GLI3: variants seen among roughly 807,000 people sequenced by gnomAD.
The protein encoded by GLI3 is transcription activator GLI3.
Under a neutral mutation model 100.8 loss-of-function variants are expected in GLI3, and 20 were observed. That is an observed-to-expected ratio of 0.20 (90% confidence interval 0.14 to 0.29). GLI3 has a LOEUF of 0.29. Among genes scored for constraint, GLI3 ranks in the 10% least tolerant of loss-of-function variants. GLI3 has a pLI of 1.00. For synonymous variants in GLI3, 938 were observed against 860.5 expected, an observed-to-expected ratio of 1.09 and a Z score of -1.58; for missense variants, 2,040 against 2,128.5, an observed-to-expected ratio of 0.96 and a Z score of 0.82.
chr7:42,158,589 A>C (rs950845867), intron 2 of GLI3, among the ~76,000 whole-genome samples: 2 of 151,840 alleles, frequency 1.3e-5, no homozygotes, highest in Non-Finnish European at 2.9e-5. Context: ...TCCCAGGTTC[A>C]AGCCATTCTC....
intron 3 of GLI3, among the ~76,000 whole-genome samples, chr7:42,139,931 G>A (rs1291913152): frequency 2.6e-5 from 4 of 152,176 alleles, no homozygotes; most frequent in African/African-American, 9.7e-5. Context: ...AATCACCCCA[G>A]ACTCTTGCAG....
chr7:42,137,529 G>A (rs1466247189), intron 3 of GLI3, among the ~76,000 whole-genome samples: 1 of 151,966 alleles, frequency 6.6e-6, no homozygotes, highest in Non-Finnish European at 1.5e-5. Context: ...TTTTTATTCA[G>A]TTATTCTGGC....
intron 7 of GLI3, among the ~76,000 whole-genome samples, chr7:42,028,576 C>T (rs964999572): frequency 3.9e-5 from 6 of 152,016 alleles, no homozygotes; most frequent in African/African-American, 9.7e-5. Context: ...CAAGCCTGAC[C>T]AACATGGCGA....
chr7:42,048,445 G>A, intron 5 of GLI3, 46 bp downstream of exon 5: 1 of 1,234,544 alleles, frequency 8.1e-7, no homozygotes, highest in Non-Finnish European at 1.2e-6. Flanking sequence ...GAGGAGCGGG[G>A]AGGAGGCTGC....
rs529040316 is a variant in GLI3 at position 42,108,780 on chromosome 7, C to T, written c.368-31923G>A. Among the ~76,000 whole-genome samples the T allele has an allele frequency of 2.6e-5, 4 of 152,198 alleles. No homozygotes were observed. The South Asian group carries it at 8.3e-4, about 32-fold the overall frequency. ...AGTGAAGCTGCCCTAAAATGGCTTA[C>T]CTTAGCATAATAAAACCATGGGATT... On this transcript the variant is annotated intron_variant, in intron 3 of 14. Transcript: ENST00000395925.
Position 42,026,382 on chromosome 7 carries a change from C to T in GLI3, c.1059G>A (p.Ala353=), listed in dbSNP as rs759502281. 52 of 1,613,900 alleles carry T rather than the reference C, an allele frequency of 3.2e-5. 3 individuals carry two copies. The highest frequency in any genetic ancestry group is 3.1e-4 in the South Asian group (28 of 91,068). Residue 353 remains alanine, a synonymous_variant, in exon 8 of 15, where the codon GCG becomes GCA. Transcript: ENST00000395925. ...GCTGATGCATGTGGAGAGAGACGGG[C>T]GCGGAAGAGTAGGTGAAGCTCAAGG... ...SPALSFTYSS[A]PVSLHMHQQI...
chr7:42,261,534 T>G (rs1318833967), intron 1 of GLI3, among the ~76,000 whole-genome samples: 1 of 152,190 alleles, frequency 6.6e-6, no homozygotes, highest in African/African-American at 2.4e-5. Flanking sequence ...CAGAGTCCCA[T>G]TCTCATGAAA....
At chr7:42,078,102 G>C (rs970482292) in intron 3 of GLI3, among the ~76,000 whole-genome samples, 1 of 152,122 alleles carries the variant, frequency 6.6e-6, no homozygotes, top group Non-Finnish European at 1.5e-5. Flanking sequence ...GGTTCTGATC[G>C]ACCACCTAAG....
intron 3 of GLI3, among the ~76,000 whole-genome samples, chr7:42,078,912 G>A (rs1784939662): frequency 6.6e-6 from 1 of 151,920 alleles, no homozygotes; most frequent in East Asian, 1.9e-4. Context: ...TGTATTTTTA[G>A]TAGACACAGG....
At chr7:41,976,007 C>T (rs538466056) in intron 12 of GLI3, among the ~76,000 whole-genome samples, 1 of 152,302 alleles carries the variant, frequency 6.6e-6, no homozygotes, top group East Asian at 1.9e-4. Context: ...TTAGTACATT[C>T]TAGACATTGT....
chr7:42,025,347 T>C lies in GLI3; in HGVS notation c.1273A>G (p.Ser425Gly). 1 of 1,614,066 alleles carries C rather than the reference T, an allele frequency of 6.2e-7. No individual in the cohort carries two copies. The highest frequency in any genetic ancestry group is 8.5e-7 in the Non-Finnish European group (1 of 1,179,902). Reference sequence around the variant, plus strand: ...TTGTTGTGCATCGGGTCACCAGTGCTGCTCACTGCAGACTCACTCGTGGGC... The same window carrying C: ...TTGTTGTGCATCGGGTCACCAGTGCCGCTCACTGCAGACTCACTCGTGGGC... The part of the protein sequence containing the change: ...NKPTSESAVS[S>G]TGDPMHNKRS... Residue 425 changes from serine (S) to glycine (G), a missense_variant, in exon 9 of 15, where the codon AGC becomes GGC. Physicochemically the swap from Ser to Gly is moderately conservative, Grantham distance 56. Around this residue, in one of 5 missense-constraint regions of GLI3, gnomAD observed 603 missense variants for 690.9 expected, o/e 0.87. Transcript: ENST00000395925.
At chr7:42,143,875 A>G (rs75131744) in intron 3 of GLI3, among the ~76,000 whole-genome samples, 2,985 of 152,328 alleles carry the variant, frequency 0.02, 92 homozygotes, top group African/African-American at 0.069. Context: ...ATAAAACTGT[A>G]AAGGAGACCT....
At chr7:42,096,515 C>T (rs1785341571) in intron 3 of GLI3, among the ~76,000 whole-genome samples, 1 of 152,208 alleles carries the variant, frequency 6.6e-6, no homozygotes, top group Non-Finnish European at 1.5e-5. Flanking sequence ...GAGCAGGGTA[C>T]AGGGCATTCC....
chr7:41,966,577 G>A lies in GLI3; in HGVS notation c.2496C>T (p.Asp832=). ...GPMTLLPGRS[D]LSGVDVTMLN... ...GCATAGTGACGTCCACCCCAGAGAG[G>A]TCGCTTCTGCCCGGGAGAAGCGTCA... Residue 832 remains aspartate, a synonymous_variant, in exon 15 of 15, where the codon GAC becomes GAT. Transcript: ENST00000395925. The surrounding 1 kb of genome is among the most constrained non-coding windows in gnomAD (Gnocchi z 5.8). 1.2e-6 allele frequency: 2 copies of A among 1,614,102 alleles called. No individual in the cohort carries two copies. The highest frequency in any genetic ancestry group is 1.7e-6 in the Non-Finnish European group (2 of 1,180,020).
At chr7:42,021,129 C>G (rs1325629461) in intron 10 of GLI3, among the ~76,000 whole-genome samples, 1 of 152,082 alleles carries the variant, frequency 6.6e-6, no homozygotes, top group Non-Finnish European at 1.5e-5. Context: ...GTTCCTGCAC[C>G]TCAGACAGTA....
chr7:42,230,820 G>C (rs1788682954), intron 1 of GLI3, among the ~76,000 whole-genome samples: 2 of 152,182 alleles, frequency 1.3e-5, no homozygotes, highest in Admixed American at 6.5e-5. Flanking sequence ...ATAATGTGCA[G>C]CACACTGGCA....
chr7:42,091,233 T>G (rs1376696000), intron 3 of GLI3, among the ~76,000 whole-genome samples: 2 of 152,244 alleles, frequency 1.3e-5, no homozygotes, highest in Non-Finnish European at 2.9e-5. Flanking sequence ...CAACCTTCTC[T>G]GCTTCACCCT....
At chr7:42,144,153 A>G (rs777765620) in intron 3 of GLI3, among the ~76,000 whole-genome samples, 26 of 152,224 alleles carry the variant, frequency 1.7e-4, no homozygotes, top group Non-Finnish European at 3.5e-4. Flanking sequence ...TAGAAGATAA[A>G]TGCATGGCAG....
At chr7:42,008,836 G>A (rs1365754628) in intron 10 of GLI3, among the ~76,000 whole-genome samples, 39 of 152,296 alleles carry the variant, frequency 2.6e-4, no homozygotes, top group Non-Finnish European at 2.9e-5. Context: ...ACTTATAGTT[G>A]ATTAAAGGTC....
Sources: allele counts gnomAD v4.1 joint callset (sites outside exome capture counted in the v4.1 genomes callset), GRCh38; gene constraint gnomAD v4.1.1; regional missense constraint gnomAD v4.1.1; non-coding constraint Gnocchi (gnomAD v3.1); transcripts MANE v1.5; gene names NCBI Gene and HGNC (gene_info 2026-07-23, HGNC 2026-07-21).